NRG1: variants seen among roughly 807,000 people sequenced by gnomAD.
NRG1 encodes pro-neuregulin-1, membrane-bound isoform.
A neutral mutation model predicts 63.8 loss-of-function variants in NRG1; 18 were observed. The ratio of observed to expected loss-of-function variants is 0.28; its 90% CI spans 0.19 to 0.42. The LOEUF is 0.42. Ranked by LOEUF, NRG1 falls within the 10% of genes least tolerant of loss-of-function variation. NRG1 has a pLI of 1.00. For synonymous variants in NRG1, 302 were observed against 301.3 expected (o/e 1.00, Z -0.02); for missense variants, 762 against 814.7 (o/e 0.94, Z 0.79).
intron 1 of NRG1, among the ~76,000 whole-genome samples, chr8:31,671,083 T>G (rs756644216): frequency 4.3e-4 from 66 of 152,314 alleles, no homozygotes; most frequent in Non-Finnish European, 7.1e-4. Flanking sequence ...CTGTGTTAAT[T>G]CACCTAGGAT....
At chr8:31,747,166 G>C (rs767228946) in intron 1 of NRG1, among the ~76,000 whole-genome samples, 4 of 151,936 alleles carry the variant, frequency 2.6e-5, no homozygotes, top group Non-Finnish European at 4.4e-5. Context: ...AACCTGAAGA[G>C]TGCAGTTGGA....
At chr8:32,479,626 T>C (rs1404377178) in intron 1 of NRG1, among the ~76,000 whole-genome samples, 1 of 152,100 alleles carries the variant, frequency 6.6e-6, no homozygotes, top group African/African-American at 2.4e-5. Context: ...AACCCTTATA[T>C]TTCTTTACAT....
intron 1 of NRG1, among the ~76,000 whole-genome samples, chr8:31,981,258 C>A (rs188526104): frequency 6.6e-6 from 1 of 151,930 alleles, no homozygotes; most frequent in South Asian, 2.1e-4. Flanking sequence ...TATAGCCAAT[C>A]GATAGCTTAT....
chr8:32,041,709 A>G (rs1467807280), intron 1 of NRG1, among the ~76,000 whole-genome samples: 2 of 152,264 alleles, frequency 1.3e-5, no homozygotes, highest in South Asian at 2.1e-4. Context: ...GGCCTCCAAC[A>G]TGGGTACAGT....
At chr8:32,251,766 C>T (rs1211179609) in intron 1 of NRG1, among the ~76,000 whole-genome samples, 3 of 152,160 alleles carry the variant, frequency 2.0e-5, no homozygotes, top group Non-Finnish European at 4.4e-5. Flanking sequence ...GAGATGGTAT[C>T]TCATTGTGGT....
intron 1 of NRG1, among the ~76,000 whole-genome samples, chr8:31,954,182 C>A (rs1259656416): frequency 6.6e-6 from 1 of 152,110 alleles, no homozygotes; most frequent in African/African-American, 2.4e-5. Context: ...AAAATCACAG[C>A]CCTGGAGCTG....
intron 1 of NRG1, among the ~76,000 whole-genome samples, chr8:31,919,282 T>A (rs1216323919): frequency 3.3e-5 from 5 of 152,070 alleles, no homozygotes; most frequent in Non-Finnish European, 7.4e-5. Flanking sequence ...TTTGTTATAT[T>A]TTTTGATGAA....
chr8:32,742,857 T>C lies in NRG1; in HGVS notation c.691+124T>C. 1.3e-6 allele frequency: 2 copies of C among 1,589,660 alleles called. No homozygotes were observed. Among genetic ancestry groups the C allele is most frequent in the East Asian group, 2.3e-5 (1 of 44,248 alleles). On this transcript the variant is annotated intron_variant, in intron 7 of 11. Transcript: ENST00000356819. The surrounding 1 kb of genome is among the most constrained non-coding windows in gnomAD (Gnocchi z 4.2). ...AGATGTGTCTTACCAGATCTAATAT[T>C]GACTGCCTCTGCCTGTCGCATGAGA...
intron 1 of NRG1, among the ~76,000 whole-genome samples, chr8:32,115,060 T>C (rs1832534494): frequency 1.3e-5 from 2 of 152,004 alleles, no homozygotes; most frequent in South Asian, 4.2e-4. Flanking sequence ...AGATGGAGTC[T>C]TGCTCTGTTG....
chr8:31,956,051 A>AC (rs930547866), intron 1 of NRG1, among the ~76,000 whole-genome samples: 5 of 148,934 alleles, frequency 3.4e-5, no homozygotes, highest in Non-Finnish European at 7.4e-5. Flanking sequence ...AAAAAAAAAA[A>AC]AACAAAAAAA....
chr8:32,731,607 C>T (rs1331907895), intron 6 of NRG1, among the ~76,000 whole-genome samples: 1 of 152,154 alleles, frequency 6.6e-6, no homozygotes, highest in Non-Finnish European at 1.5e-5. Context: ...ATACTTCAAA[C>T]CTTTCTCGTT....
At chr8:31,746,861 A>T (rs1407955168) in intron 1 of NRG1, among the ~76,000 whole-genome samples, 2 of 151,974 alleles carry the variant, frequency 1.3e-5, no homozygotes, top group Admixed American at 6.6e-5. Flanking sequence ...TTGCAACAAC[A>T]TGGATGGAAC....
At chr8:31,985,684 A>T (rs1809941021) in intron 1 of NRG1, among the ~76,000 whole-genome samples, 1 of 152,126 alleles carries the variant, frequency 6.6e-6, no homozygotes, top group Non-Finnish European at 1.5e-5. Context: ...CAGATATTTC[A>T]TGATATGTAG....
intron 6 of NRG1, among the ~76,000 whole-genome samples, chr8:32,733,777 A>G (rs1183113159): frequency 6.6e-6 from 1 of 152,224 alleles, no homozygotes; most frequent in African/African-American, 2.4e-5. Flanking sequence ...CAAATGGTAC[A>G]ATGCTGACTA....
chr8:32,607,685 C>G (rs1845495431), intron 3 of NRG1, among the ~76,000 whole-genome samples: 1 of 152,074 alleles, frequency 6.6e-6, no homozygotes. Context: ...TCACTGAAGT[C>G]TTGGTCTAGT....
At chr8:31,698,325 A>C (rs185788040) in intron 1 of NRG1, among the ~76,000 whole-genome samples, 3 of 152,164 alleles carry the variant, frequency 2.0e-5, no homozygotes, top group Admixed American at 6.5e-5. Flanking sequence ...ACAAGGACCA[A>C]TTGTGATTTA....
intron 1 of NRG1, among the ~76,000 whole-genome samples, chr8:31,661,772 AG>A (rs1806016821): frequency 6.6e-6 from 1 of 152,232 alleles, no homozygotes; most frequent in Non-Finnish European, 1.5e-5. Flanking sequence ...TCACAGAAAA[AG>A]TCTTTGACAT....
intron 1 of NRG1, among the ~76,000 whole-genome samples, chr8:31,812,235 A>T (rs1421189186): frequency 3.9e-5 from 6 of 152,218 alleles, no homozygotes. Context: ...GAGAGGCTAG[A>T]ACCGTGGATT....
Position 32,144,659 on chromosome 8 carries a change from A to G in NRG1, c.38-451169A>G, listed in dbSNP as rs140361208. 8.7e-4 allele frequency among the ~76,000 whole-genome samples: 133 copies of G among 152,238 alleles called. 1 individual carries two copies. The East Asian group carries it at 0.019, about 22-fold the overall frequency. On this transcript the variant is annotated intron_variant, in intron 1 of 10. Coordinates refer to the NRG1 transcript ENST00000519301. ...CATTCTCAGCATTTTTGCTGTTTAT[A>G]TATTTTTATTTTGGTCTCGGTTTTC... is the stretch of plus-strand genomic sequence containing the variant.
Sources: allele counts gnomAD v4.1 joint callset (sites outside exome capture counted in the v4.1 genomes callset), GRCh38; gene constraint gnomAD v4.1.1; non-coding constraint Gnocchi (gnomAD v3.1); transcripts MANE v1.5; gene names NCBI Gene and HGNC (gene_info 2026-07-23, HGNC 2026-07-21).